Variants in ZNF713 observed in about 807,000 individuals in gnomAD.
ZNF713 encodes the protein zinc finger protein 713.
ZNF713 carries 21 observed loss-of-function variants against 28.7 expected under a neutral mutation model. The ratio of observed to expected loss-of-function variants is 0.73; its 90% confidence interval spans 0.52 to 1.05. The LOEUF (loss-of-function observed/expected upper bound fraction) is 1.05, where lower values mean the gene tolerates loss of function less well. ZNF713 is among the 50% of genes least tolerant of loss of function. The pLI is 0.00. For synonymous variants in ZNF713, 167 were observed against 178.0 expected (o/e 0.94, Z 0.49); for missense variants, 458 against 532.4 (o/e 0.86, Z 1.37).
At chr7:55,933,364 C>G (rs1279700420) in intron 6 of ZNF713, among the ~76,000 whole-genome samples, 1 of 151,938 alleles carries the variant, frequency 6.6e-6, no homozygotes, top group African/African-American at 2.4e-5. Flanking sequence ...ATGGCACAAT[C>G]TCGACTCTGC....
chr7:55,904,309 A>G (rs1584301594), intron 1 of ZNF713, among the ~76,000 whole-genome samples: 1 of 112,106 alleles, frequency 8.9e-6, no homozygotes, highest in African/African-American at 3.2e-5. Context: ...TAAAAATACA[A>G]AAATTAGCCA....
At chr7:55,923,080 T>C (rs1315436121) in intron 4 of ZNF713, 82 bp from the exon 5 acceptor site, 6 of 1,458,718 alleles carry the variant, frequency 4.1e-6, no homozygotes, top group Non-Finnish European at 5.5e-6. Context: ...TTAGATAACC[T>C]GGTGCTACAC....
At chr7:55,892,732 C>T (rs1295181826) in intron 1 of ZNF713, among the ~76,000 whole-genome samples, 2 of 151,300 alleles carry the variant, frequency 1.3e-5, no homozygotes, top group South Asian at 2.1e-4. Flanking sequence ...ATTAGCCGGG[C>T]GTGGTGGCGG....
At chr7:55,907,376 T>C (rs776935960) in intron 2 of ZNF713, among the ~76,000 whole-genome samples, 1 of 152,218 alleles carries the variant, frequency 6.6e-6, no homozygotes, top group Non-Finnish European at 1.5e-5. Context: ...CCCTGGAAAC[T>C]GCAGATACTT....
At chr7:55,911,255 C>T (rs1383101319) in intron 2 of ZNF713, among the ~76,000 whole-genome samples, 1 of 152,146 alleles carries the variant, frequency 6.6e-6, no homozygotes, top group Non-Finnish European at 1.5e-5. Flanking sequence ...AGATGTATTC[C>T]TTCATGATTA....
chr7:55,901,894 T>C (rs1785584902), intron 1 of ZNF713, among the ~76,000 whole-genome samples: 1 of 152,228 alleles, frequency 6.6e-6, no homozygotes, highest in Non-Finnish European at 1.5e-5. Flanking sequence ...TATATGACAG[T>C]TACACATGTC....
intron 4 of ZNF713, among the ~76,000 whole-genome samples, chr7:55,922,597 G>A (rs1786013710): frequency 6.6e-6 from 1 of 151,324 alleles, no homozygotes; most frequent in African/African-American, 2.4e-5. Flanking sequence ...CCACCTCCCT[G>A]ATCAGTCAGC....
chr7:55,895,336 G>A (rs1279202058), intron 1 of ZNF713, among the ~76,000 whole-genome samples: 1 of 152,050 alleles, frequency 6.6e-6, no homozygotes, highest in Non-Finnish European at 1.5e-5. Context: ...GATGCCATTC[G>A]GGTTTCAGGC....
intron 6 of ZNF713, among the ~76,000 whole-genome samples, chr7:55,937,461 A>G (rs1786375768): frequency 1.3e-5 from 2 of 152,090 alleles, no homozygotes; most frequent in African/African-American, 4.8e-5. Flanking sequence ...AGGCAGGGAG[A>G]AAGATAGAAC....
At chr7:55,920,096 A>G (rs559154399) in intron 4 of ZNF713, among the ~76,000 whole-genome samples, 5 of 152,222 alleles carry the variant, frequency 3.3e-5, no homozygotes, top group Admixed American at 6.5e-5. Flanking sequence ...TAATAACCCT[A>G]CAATGGCCTC....
chr7:55,906,560 G>A (rs538046914), intron 2 of ZNF713, among the ~76,000 whole-genome samples, 181 bp downstream of exon 2: 10 of 152,206 alleles, frequency 6.6e-5, no homozygotes, highest in African/African-American at 2.2e-4. Context: ...CTGTCACAGC[G>A]GAAAGTTCAG....
chr7:55,898,787 T>A (rs1032319133), intron 1 of ZNF713, among the ~76,000 whole-genome samples: 10 of 151,858 alleles, frequency 6.6e-5, no homozygotes, highest in Non-Finnish European at 8.8e-5. Flanking sequence ...TCACAAAAAA[T>A]TAAATTCAAA....
chr7:55,929,968 T>C (rs1300136624), intron 6 of ZNF713, among the ~76,000 whole-genome samples: 2 of 152,054 alleles, frequency 1.3e-5, no homozygotes, highest in Non-Finnish European at 2.9e-5. Context: ...TGGAGGAAAA[T>C]ATTTTCAACT....
chr7:55,938,885 G>A (rs963344330), intron 6 of ZNF713, 97 bp from the exon 7 acceptor site: 52 of 1,312,420 alleles, frequency 4.0e-5, no homozygotes, highest in Non-Finnish European at 5.0e-5. Context: ...ATTACTGTCA[G>A]TTTTATTTGG....
chr7:55,897,544 G>C (rs932975277), intron 1 of ZNF713, among the ~76,000 whole-genome samples: 10 of 151,876 alleles, frequency 6.6e-5, no homozygotes, highest in Admixed American at 2.6e-4. Context: ...ACCTCCCAAA[G>C]CGTTAGGATT....
intron 1 of ZNF713, among the ~76,000 whole-genome samples, chr7:55,905,168 A>G (rs920624766): frequency 6.6e-6 from 1 of 152,216 alleles, no homozygotes; most frequent in African/African-American, 2.4e-5. Flanking sequence ...AAAGATAGTG[A>G]AAAACATTGA....
chr7:55,928,317 G>T (rs1406469582), intron 6 of ZNF713, among the ~76,000 whole-genome samples: 1 of 152,214 alleles, frequency 6.6e-6, no homozygotes, highest in Non-Finnish European at 1.5e-5. Context: ...GAGGGTGTTA[G>T]ATTTTAGGGA....
intron 2 of ZNF713, among the ~76,000 whole-genome samples, chr7:55,909,290 A>T (rs2116208716): frequency 6.6e-6 from 1 of 150,986 alleles, no homozygotes; most frequent in East Asian, 2.0e-4. Flanking sequence ...ATTGAATAGG[A>T]TGTCCTTTCC....
At chr7:55,920,548 A>G (rs1785974358) in intron 4 of ZNF713, among the ~76,000 whole-genome samples, 1 of 152,230 alleles carries the variant, frequency 6.6e-6, no homozygotes, top group African/African-American at 2.4e-5. Flanking sequence ...AGGAAGCTGC[A>G]GAAGAAAAGT....
Sources: gnomAD v4.1 joint callset for allele counts (sites outside exome capture counted in the v4.1 genomes callset) on GRCh38, gnomAD v4.1.1 for gene constraint, MANE v1.5 for transcripts, NCBI Gene and HGNC (gene_info 2026-07-23, HGNC 2026-07-21) for gene names.